Variants in UBE2H observed in about 807,000 individuals in gnomAD.
UBE2H encodes the protein ubiquitin-conjugating enzyme E2 H.
In UBE2H, 3 loss-of-function variants were observed where a neutral mutation model predicts 29.0. The observed-to-expected ratio is 0.10, with a 90% CI of 0.05 to 0.27. UBE2H has a LOEUF of 0.27. Among genes scored for constraint, UBE2H ranks in the 10% least tolerant of loss-of-function variants. The probability of loss-of-function intolerance (pLI) is 1.00; values close to 1 mark genes in which losing one functional copy is unlikely to be tolerated. For synonymous variants in UBE2H, 69 were observed against 82.9 expected (o/e 0.83, Z 0.91); for missense variants, 68 against 228.2 (o/e 0.30, Z 4.52).
At chr7:129,934,081 C>T (rs183776108) in intron 1 of UBE2H, among the ~76,000 whole-genome samples, 2 of 152,052 alleles carry the variant, frequency 1.3e-5, no homozygotes, top group Admixed American at 6.6e-5. Flanking sequence ...CAGCACTTTG[C>T]GAGGCCAAGG....
At chr7:129,917,603 A>G (rs1283505820) in intron 1 of UBE2H, among the ~76,000 whole-genome samples, 1 of 152,222 alleles carries the variant, frequency 6.6e-6, no homozygotes, top group Non-Finnish European at 1.5e-5. Flanking sequence ...TTTCATCTCA[A>G]GCATGGTTCA....
At chr7:129,845,687 G>T (rs1805499321) in intron 5 of UBE2H, among the ~76,000 whole-genome samples, 1 of 152,174 alleles carries the variant, frequency 6.6e-6, no homozygotes, top group Non-Finnish European at 1.5e-5. Flanking sequence ...CCATTAGGCT[G>T]AACTGTCTCC....
intron 1 of UBE2H, among the ~76,000 whole-genome samples, chr7:129,916,493 C>T: frequency 6.9e-6 from 1 of 145,068 alleles, no homozygotes; most frequent in South Asian, 2.2e-4. Flanking sequence ...AAAAAAAAGC[C>T]TACCAAAAAT....
At chr7:129,838,010 T>C (rs755795989) in intron 6 of UBE2H, among the ~76,000 whole-genome samples, 42 of 152,210 alleles carry the variant, frequency 2.8e-4, no homozygotes, top group Non-Finnish European at 5.3e-4. Context: ...CTCCAAGATA[T>C]CTGTGGTTTG....
chr7:129,908,097 T>A (rs1444365527), intron 1 of UBE2H, among the ~76,000 whole-genome samples: 1 of 152,168 alleles, frequency 6.6e-6, no homozygotes, highest in East Asian at 1.9e-4. Flanking sequence ...CTATACGAGG[T>A]TTGGCTTGGA....
chr7:129,851,902 T>G (rs1309296952), intron 5 of UBE2H, among the ~76,000 whole-genome samples: 1 of 152,218 alleles, frequency 6.6e-6, no homozygotes, highest in Non-Finnish European at 1.5e-5. Context: ...AGCTAAGCAC[T>G]GTTGAAGCGC....
chr7:129,909,252 G>T (rs781695929), intron 1 of UBE2H, among the ~76,000 whole-genome samples: 18 of 152,276 alleles, frequency 1.2e-4, no homozygotes, highest in Non-Finnish European at 2.1e-4. Context: ...GAAATGGGAA[G>T]AAGAAACATG....
chr7:129,836,192 T>C lies in UBE2H; in HGVS notation c.428-1131A>G, dbSNP rs1054408813. ...AATTGAGAAATATTTATTCAAACTT[T>C]AACAATTTTATTTTTAACCTCTAAT... On this transcript the variant is annotated intron_variant, in intron 6 of 6. Coordinates refer to ENST00000355621, the MANE Select transcript of UBE2H (RefSeq NM_003344.4). Among the ~76,000 whole-genome samples, 8 of 152,232 alleles carry C rather than the reference T, an allele frequency of 5.3e-5. No individual in the cohort carries two copies. The East Asian group carries it at 5.8e-4, about 11-fold the overall frequency.
chr7:129,852,884 C>T (rs1473508663), intron 5 of UBE2H, among the ~76,000 whole-genome samples: 1 of 152,136 alleles, frequency 6.6e-6, no homozygotes, highest in East Asian at 1.9e-4. Flanking sequence ...CGCCACCACG[C>T]CTGGCTAATT....
rs547607915 is a variant in UBE2H at position 129,833,109 on chromosome 7, T to TA, written c.*1827dup. 2.6e-5 allele frequency: 4 copies of TA among 152,388 alleles called. No individual in the cohort carries two copies. The highest frequency in any genetic ancestry group is 6.6e-5 in the Admixed American group (1 of 15,260). 9.4% of individuals were successfully genotyped at this position (152,388 alleles called of 1,614,324 possible). ...ACATCACTGCACTTTTTTTTTTTTT[T>TA]AAAGAAAACCTTTTGCTTCATGCCC... On this transcript the variant is annotated 3_prime_UTR_variant, in exon 7 of 7. Transcript: ENST00000355621.
chr7:129,893,924 C>T (rs1233230596), intron 1 of UBE2H, among the ~76,000 whole-genome samples: 3 of 152,130 alleles, frequency 2.0e-5, no homozygotes, highest in African/African-American at 7.2e-5. Flanking sequence ...TTTGGGAGGC[C>T]GAGGCAGGTG....
chr7:129,864,217 A>G (rs1402401218), intron 3 of UBE2H, among the ~76,000 whole-genome samples: 2 of 152,238 alleles, frequency 1.3e-5, no homozygotes, highest in Non-Finnish European at 2.9e-5. Context: ...ATTCTGGATA[A>G]TGATGCCAAC....
intron 1 of UBE2H, among the ~76,000 whole-genome samples, chr7:129,881,378 G>A (rs759677307): frequency 3.3e-5 from 5 of 152,182 alleles, no homozygotes; most frequent in Non-Finnish European, 7.3e-5. Flanking sequence ...CAGACGCAGC[G>A]GCTCACGCCT....
At position 129,872,495 on chromosome 7, in the gene UBE2H, C is replaced by A. The variant is rs1806058983; in HGVS notation, c.205+7073G>T. Among the ~76,000 whole-genome samples the A allele has an allele frequency of 2.0e-5, 3 of 151,952 alleles. No homozygotes were observed. The South Asian group carries it at 6.2e-4, about 32-fold the overall frequency. On this transcript the variant is annotated intron_variant, in intron 3 of 6. Coordinates refer to ENST00000355621, the MANE Select transcript of UBE2H (RefSeq NM_003344.4). ...ATGCCTGAACAGTCTATTATTCTGA[C>A]AATGAAAAAGATTAATGCAGTTCCC...
At chr7:129,844,130 C>T (rs1805473311) in intron 5 of UBE2H, among the ~76,000 whole-genome samples, 1 of 152,210 alleles carries the variant, frequency 6.6e-6, no homozygotes, top group Admixed American at 6.5e-5. Flanking sequence ...TGCATTAACA[C>T]ATTTTTGATC....
At chr7:129,883,081 T>C (rs1306911035) in intron 1 of UBE2H, among the ~76,000 whole-genome samples, 3 of 152,130 alleles carry the variant, frequency 2.0e-5, no homozygotes, top group Non-Finnish European at 4.4e-5. Flanking sequence ...AAAGTCCAAT[T>C]CATTAAAGAA....
At chr7:129,893,984 G>T (rs968440803) in intron 1 of UBE2H, among the ~76,000 whole-genome samples, 2 of 152,098 alleles carry the variant, frequency 1.3e-5, no homozygotes, top group African/African-American at 4.8e-5. Context: ...GCAAAACCCT[G>T]TCTCTACTAA....
At chr7:129,933,593 G>A (rs1322871273) in intron 1 of UBE2H, among the ~76,000 whole-genome samples, 3 of 152,106 alleles carry the variant, frequency 2.0e-5, no homozygotes, top group Non-Finnish European at 2.9e-5. Flanking sequence ...ACAAACACAC[G>A]TTACATGTGG....
At chr7:129,935,251 T>C (rs1037405311) in intron 1 of UBE2H, among the ~76,000 whole-genome samples, 1 of 151,546 alleles carries the variant, frequency 6.6e-6, no homozygotes, top group Admixed American at 6.6e-5. Context: ...CTGTATCTAC[T>C]AAAAATACAA....
Sources: gnomAD v4.1 joint callset for allele counts (sites outside exome capture counted in the v4.1 genomes callset) on GRCh38, gnomAD v4.1.1 for gene constraint, MANE v1.5 for transcripts, NCBI Gene and HGNC (gene_info 2026-07-23, HGNC 2026-07-21) for gene names.